The following SPPL3 variants were observed in gnomAD, a reference collection of about 807,000 sequenced individuals.
SPPL3 encodes the protein signal peptide peptidase-like 3.
In SPPL3, 5 loss-of-function variants were observed where a neutral mutation model predicts 42.4. The observed-to-expected ratio is 0.12, with a 90% confidence interval of 0.06 to 0.25. The LOEUF is 0.25. Ranked by LOEUF, SPPL3 falls within the 10% of genes least tolerant of loss-of-function variation. The pLI is 1.00. For synonymous variants in SPPL3, 195 were observed against 181.8 expected (o/e 1.07, Z -0.58); for missense variants, 235 against 489.0 (o/e 0.48, Z 4.90).
chr12:120,812,879 G>C (rs186133140), intron 1 of SPPL3, among the ~76,000 whole-genome samples: 2 of 152,156 alleles, frequency 1.3e-5, no homozygotes, highest in African/African-American at 4.8e-5. Flanking sequence ...TTCATATAAA[G>C]AACATAACAC....
intron 2 of SPPL3, among the ~76,000 whole-genome samples, chr12:120,793,708 A>G (rs937466345): frequency 6.7e-6 from 1 of 149,302 alleles, no homozygotes. Context: ...TGAAAAAATA[A>G]ATTTGCTGTT....
At chr12:120,784,123 T>C (rs1223843074) in intron 4 of SPPL3, 1 of 250,460 alleles carries the variant, frequency 4.0e-6, no homozygotes, top group Non-Finnish European at 7.7e-6. Flanking sequence ...TGCAAGAACG[T>C]GGGTAGAGGC....
chr12:120,825,590 G>C (rs1299458585), intron 1 of SPPL3, among the ~76,000 whole-genome samples: 5 of 152,214 alleles, frequency 3.3e-5, no homozygotes, highest in Non-Finnish European at 5.9e-5. Context: ...ATTCCAGAGA[G>C]ACTCACTGCA....
intron 1 of SPPL3, among the ~76,000 whole-genome samples, chr12:120,815,530 T>C (rs1870837802): frequency 6.6e-6 from 1 of 152,212 alleles, no homozygotes; most frequent in South Asian, 2.1e-4. Context: ...CTTACTTGGA[T>C]GACTTTGTTT....
At chr12:120,897,551 G>A (rs1345124467) in intron 1 of SPPL3, among the ~76,000 whole-genome samples, 1 of 152,016 alleles carries the variant, frequency 6.6e-6, no homozygotes. Context: ...GTGAAACCCC[G>A]TCTCTACTAA....
intron 1 of SPPL3, among the ~76,000 whole-genome samples, chr12:120,833,059 T>C (rs1016844616): frequency 6.6e-6 from 1 of 152,126 alleles, no homozygotes; most frequent in African/African-American, 2.4e-5. Context: ...ACATAAGCAC[T>C]ATAGGAGTTC....
Position 120,899,448 on chromosome 12 carries a change from G to A in SPPL3, c.23+4397C>T, listed in dbSNP as rs1873905521. ...TACCACTTGGTATTTACTCAGTAGG[G>A]TCTATGTGTACTACAATGTGCTAGG... On this transcript the variant is annotated intron_variant, in intron 1 of 10. Coordinates refer to ENST00000353487, the MANE Select transcript of SPPL3 (RefSeq NM_139015.5). 3.3e-5 allele frequency among the ~76,000 whole-genome samples: 5 copies of A among 152,120 alleles called. No individual in the cohort carries two copies. In the South Asian group the frequency reaches 1.0e-3, roughly 31 times the overall value.
intron 1 of SPPL3, among the ~76,000 whole-genome samples, chr12:120,849,223 A>G (rs1257492680): frequency 1.3e-5 from 2 of 152,136 alleles, no homozygotes; most frequent in Admixed American, 1.3e-4. Flanking sequence ...AAGTAAAACT[A>G]AACCTAAACT....
chr12:120,830,607 A>AGAGAGAGAGAG (rs1555251066), intron 1 of SPPL3, among the ~76,000 whole-genome samples: 26 of 39,926 alleles, frequency 6.5e-4, no homozygotes, highest in Admixed American at 1.0e-3. Flanking sequence ...GAGAGAGAGA[A>AGAGAGAGAGAG]GGTGTACATG....
At chr12:120,810,380 T>C (rs1399473243) in intron 2 of SPPL3, among the ~76,000 whole-genome samples, 2 of 140,948 alleles carry the variant, frequency 1.4e-5, no homozygotes, top group African/African-American at 5.9e-5. Flanking sequence ...CTTTCATTTT[T>C]GGTTAGAAAA....
chr12:120,852,308 TTATA>T (rs1409664867), intron 1 of SPPL3, among the ~76,000 whole-genome samples: 1 of 147,780 alleles, frequency 6.8e-6, no homozygotes, highest in Non-Finnish European at 1.5e-5. Flanking sequence ...TATATCTTTA[TTATA>T]TTTATATAAT....
chr12:120,868,548 C>T (rs997825438), intron 1 of SPPL3, among the ~76,000 whole-genome samples: 2 of 152,122 alleles, frequency 1.3e-5, no homozygotes, highest in Non-Finnish European at 2.9e-5. Flanking sequence ...GTGGCACAAT[C>T]TTGACTCACT....
At chr12:120,820,340 G>C (rs538014671) in intron 1 of SPPL3, among the ~76,000 whole-genome samples, 10 of 104,384 alleles carry the variant, frequency 9.6e-5, no homozygotes, top group Non-Finnish European at 1.4e-4. Flanking sequence ...TGTGAGACAA[G>C]AGTCTCGCTC....
intron 1 of SPPL3, among the ~76,000 whole-genome samples, chr12:120,829,288 C>A (rs1413235059): frequency 6.6e-6 from 1 of 152,130 alleles, no homozygotes; most frequent in African/African-American, 2.4e-5. Context: ...ATAGGTCAGA[C>A]CTTATCAAAA....
chr12:120,854,372 A>G lies in SPPL3; in HGVS notation c.24-43486T>C, dbSNP rs140167186. ...TAAGTGTTGAATTATATGTATCTAT[A>G]TACATACTCTAGTAGTCTGATGCTA... On this transcript the variant is annotated intron_variant, in intron 1 of 10. Coordinates refer to ENST00000353487, the MANE Select transcript of SPPL3 (RefSeq NM_139015.5). Among the ~76,000 whole-genome samples the G allele has an allele frequency of 3.2e-3, 490 of 152,332 alleles. 1 individual carries two copies. Among genetic ancestry groups the G allele is most frequent in the African/African-American group, 0.011 (468 of 41,556 alleles).
Position 120,767,325 on chromosome 12 carries a change from C to G in SPPL3, c.973+69G>C, listed in dbSNP as rs377695348. 2.6e-6 allele frequency: 4 copies of G among 1,515,126 alleles called. No individual in the cohort carries two copies. In the African/African-American group the frequency reaches 4.1e-5, roughly 16 times the overall value. The allele number at this position is 1,515,126 out of a possible 1,614,324, so 93.9% of individuals were successfully genotyped here. ...CATCCAGTAACTGTAGCTAGAAGAC[C>G]TGATTTAATTCCAAAGGTTGGAGGA... On this transcript the variant is annotated intron_variant, in intron 9 of 10. Coordinates refer to ENST00000353487, the MANE Select transcript of SPPL3 (RefSeq NM_139015.5).
At chr12:120,767,880 C>A (rs1422107348) in intron 8 of SPPL3, among the ~76,000 whole-genome samples, 1 of 152,182 alleles carries the variant, frequency 6.6e-6, no homozygotes, top group Non-Finnish European at 1.5e-5. Flanking sequence ...TCAAACAATT[C>A]ATCATTTGTG....
intron 1 of SPPL3, among the ~76,000 whole-genome samples, chr12:120,836,258 G>A (rs900429691): frequency 2.0e-5 from 3 of 152,002 alleles, no homozygotes; most frequent in African/African-American, 7.2e-5. Context: ...CAGAAAGCAG[G>A]CTGTGCCAGT....
In SPPL3 at chr12:120,766,100, G is replaced by GCACACACA. The variant is rs111837123; in HGVS notation, c.1083+155_1083+162dup. Among the ~76,000 whole-genome samples the GCACACACA allele has an allele frequency of 1.4e-3, 117 of 84,120 alleles. 1 individual carries two copies. In the South Asian group the frequency reaches 0.017, roughly 13 times the overall value. 55.2% of individuals were successfully genotyped at this position (84,120 alleles called of 152,430 possible). ...GCTAACGCCAGGGTAGCGCGCGCGC[G>GCACACACA]CACACACACACACACACACACACAC... On this transcript the variant is annotated intron_variant, in intron 10 of 10. Coordinates refer to ENST00000353487, the MANE Select transcript of SPPL3 (RefSeq NM_139015.5).
Sources: gnomAD v4.1 joint callset for allele counts (sites outside exome capture counted in the v4.1 genomes callset) on GRCh38, gnomAD v4.1.1 for gene constraint, MANE v1.5 for transcripts, NCBI Gene and HGNC (gene_info 2026-07-23, HGNC 2026-07-21) for gene names.